Variants in DNAH11 observed in about 807,000 individuals in gnomAD.
DNAH11 encodes dynein axonemal heavy chain 11, also known as axonemal beta dynein heavy chain 11.
Under a neutral mutation model 526.0 loss-of-function variants are expected in DNAH11, and 442 were observed. The ratio of observed to expected loss-of-function variants is 0.84; its 90% CI spans 0.78 to 0.91. DNAH11 has a LOEUF of 0.91. DNAH11 is among the 40% of genes least tolerant of loss of function. DNAH11 has a pLI of 0.00. For missense variants in DNAH11, 6,989 were observed against 5,448.7 expected (o/e 1.28, Z -8.90); for synonymous variants, 2,461 against 1,935.9 (o/e 1.27, Z -7.12).
At chr7:21,603,617 A>G (rs758191872) in intron 18 of DNAH11, among the ~76,000 whole-genome samples, 2 of 152,234 alleles carry the variant, frequency 1.3e-5, no homozygotes, top group Non-Finnish European at 2.9e-5. Flanking sequence ...GTTAAATTCT[A>G]TTTAAGTATA....
chr7:21,552,000 C>T (rs190223504), intron 2 of DNAH11, among the ~76,000 whole-genome samples: 19 of 152,294 alleles, frequency 1.2e-4, no homozygotes, highest in Admixed American at 9.8e-4. Context: ...GTTAGCTTTC[C>T]ACTCTCCTAG....
chr7:21,745,787 C>A (rs958390794), intron 51 of DNAH11, among the ~76,000 whole-genome samples: 3 of 152,152 alleles, frequency 2.0e-5, no homozygotes, highest in African/African-American at 7.2e-5. Flanking sequence ...GTGAGAAATA[C>A]AATAAGTGAA....
chr7:21,610,209 G>C (rs1181881445), intron 20 of DNAH11, among the ~76,000 whole-genome samples: 2 of 152,116 alleles, frequency 1.3e-5, no homozygotes, highest in Non-Finnish European at 2.9e-5. Context: ...AGCCGAGATT[G>C]CGCCACTTCA....
At chr7:21,673,338 T>C (rs1349224781) in intron 30 of DNAH11, among the ~76,000 whole-genome samples, 4 of 152,226 alleles carry the variant, frequency 2.6e-5, no homozygotes, top group African/African-American at 7.2e-5. Flanking sequence ...AAAACTGGAA[T>C]ACTAATCGTG....
intron 66 of DNAH11, among the ~76,000 whole-genome samples, chr7:21,849,735 A>C (rs1782551188): frequency 6.6e-6 from 1 of 152,056 alleles, no homozygotes; most frequent in South Asian, 2.1e-4. Context: ...GGACTCTTTC[A>C]AGATTTTGTC....
In DNAH11 at chr7:21,619,153, G is replaced by A. The variant is rs906075766; in HGVS notation, c.4308G>A (p.Arg1436=). The change falls in exon 24 of 82, where the codon CGG becomes CGA. Residue 1436 remains arginine, a synonymous_variant. Transcript: ENST00000409508. The part of the protein sequence containing the change: ...ATTLADLLAL[R]LHRVEDDVRR... Reference sequence around the variant, plus strand: ...CTTTGGCAGATTTGTTAGCACTGCGGTTACACAGAGTGGAAGATGATGTCC... The same window carrying A: ...CTTTGGCAGATTTGTTAGCACTGCGATTACACAGAGTGGAAGATGATGTCC... The A allele has an allele frequency of 1.2e-6, 2 of 1,613,478 alleles. No individual in the cohort carries two copies. Among genetic ancestry groups the A allele is most frequent in the South Asian group, 2.2e-5 (2 of 91,066 alleles).
intron 25 of DNAH11, among the ~76,000 whole-genome samples, chr7:21,629,876 C>T (rs190971453): frequency 6.6e-6 from 1 of 152,006 alleles, no homozygotes; most frequent in Non-Finnish European, 1.5e-5. Flanking sequence ...AGCTATTCAG[C>T]CACTTTATGC....
chr7:21,582,748 C>T (rs78203631), intron 9 of DNAH11, among the ~76,000 whole-genome samples: 308 of 152,094 alleles, frequency 2.0e-3, no homozygotes, highest in African/African-American at 6.8e-3. Context: ...AATTAGATAA[C>T]GTCCCAAAAG....
At chr7:21,585,558 C>A (rs937201651) in intron 9 of DNAH11, among the ~76,000 whole-genome samples, 4 of 152,146 alleles carry the variant, frequency 2.6e-5, no homozygotes, top group African/African-American at 9.7e-5. Context: ...ACTTTAAAAT[C>A]TGAAGTGCTG....
rs1554305648 is a variant in DNAH11 at position 21,543,246 on chromosome 7, ATGGCAGCCCAGG to A, written c.11_22del (p.GlnValAlaAla4_?7). 2.6e-6 allele frequency: 4 copies of A among 1,532,404 alleles called. No homozygotes were observed. Among genetic ancestry groups the A allele is most frequent in the Non-Finnish European group, 3.5e-6 (4 of 1,139,078 alleles). The allele number at this position is 1,532,404 out of a possible 1,614,324, so 94.9% of individuals were successfully genotyped here. On this transcript the variant is annotated start_lost and inframe_deletion, in exon 1 of 82. Transcript: ENST00000409508. ...TCGCGTTCCCTCGGACGGTTGCCCA[ATGGCAGCCCAGG>A]TGGCAGCCCGGGAGGCGCGAGACTT...
intron 18 of DNAH11, among the ~76,000 whole-genome samples, chr7:21,603,615 C>G (rs573734326): frequency 4.6e-5 from 7 of 152,218 alleles, no homozygotes; most frequent in Admixed American, 3.3e-4. Flanking sequence ...TTGTTAAATT[C>G]TATTTAAGTA....
chr7:21,657,805 C>G (rs1458840246), intron 29 of DNAH11, among the ~76,000 whole-genome samples: 2 of 152,086 alleles, frequency 1.3e-5, no homozygotes, highest in African/African-American at 4.8e-5. Flanking sequence ...GATACTGAGG[C>G]CATTTCCAGA....
At chr7:21,557,347 A>G (rs963543190) in intron 2 of DNAH11, among the ~76,000 whole-genome samples, 3 of 152,184 alleles carry the variant, frequency 2.0e-5, no homozygotes, top group African/African-American at 7.2e-5. Context: ...TGCTATCACA[A>G]AATACCACAG....
At chr7:21,809,403 T>G (rs1789409309) in intron 63 of DNAH11, among the ~76,000 whole-genome samples, 1 of 152,182 alleles carries the variant, frequency 6.6e-6, no homozygotes, top group Non-Finnish European at 1.5e-5. Flanking sequence ...GATCCCACTT[T>G]TGCATTTGTT....
chr7:21,782,220 G>T (rs1787976775), intron 57 of DNAH11, among the ~76,000 whole-genome samples: 1 of 152,162 alleles, frequency 6.6e-6, no homozygotes, highest in South Asian at 2.1e-4. Flanking sequence ...GAGAATTTCT[G>T]GTCTACCCAA....
intron 58 of DNAH11, among the ~76,000 whole-genome samples, chr7:21,784,859 T>C (rs1788106532): frequency 6.6e-6 from 1 of 152,180 alleles, no homozygotes; most frequent in South Asian, 2.1e-4. Context: ...ATCCAATTTT[T>C]CATATCATGT....
In DNAH11 at chr7:21,866,575, T is replaced by A. The variant is rs370336363; in HGVS notation, c.11602T>A (p.Leu3868Ile). The A allele has an allele frequency of 6.2e-6, 10 of 1,613,340 alleles. No individual in the cohort carries two copies. The highest frequency in any genetic ancestry group is 8.5e-6 in the Non-Finnish European group (10 of 1,179,764). ...ATCCGAGTGTCCAGAAAAAGAAAAATTACCTCAAGAATGGAAGAAGAAAAG... is the reference window on the plus strand; with the variant it reads ...ATCCGAGTGTCCAGAAAAAGAAAAAATACCTCAAGAATGGAAGAAGAAAAG... ...VESECPEKEKLPQEWKKKSLI... is the reference protein window; with the variant it reads ...VESECPEKEKIPQEWKKKSLI... The change falls in exon 71 of 82, where the codon TTA (leucine) becomes ATA (isoleucine). Residue 3868 changes from leucine to isoleucine, a missense_variant. Coordinates refer to ENST00000409508, the MANE Select transcript of DNAH11 (RefSeq NM_001277115.2).
chr7:21,761,379 G>A (rs1786897869), intron 54 of DNAH11, among the ~76,000 whole-genome samples: 1 of 152,012 alleles, frequency 6.6e-6, no homozygotes, highest in South Asian at 2.1e-4. Flanking sequence ...ATAGAATTTA[G>A]ATTACATGTA....
intron 28 of DNAH11, among the ~76,000 whole-genome samples, chr7:21,651,666 T>C (rs891561296): frequency 6.6e-6 from 1 of 152,250 alleles, no homozygotes. Context: ...TTTTATTTCA[T>C]AAGAGGTTCT....
Sources: allele counts gnomAD v4.1 joint callset (sites outside exome capture counted in the v4.1 genomes callset), GRCh38; gene constraint gnomAD v4.1.1; transcripts MANE v1.5; gene names NCBI Gene and HGNC (gene_info 2026-07-23, HGNC 2026-07-21).